Variants in LRRC4C observed in about 807,000 individuals in gnomAD.
The protein encoded by LRRC4C is leucine-rich repeat-containing protein 4C.
A neutral mutation model predicts 33.6 loss-of-function variants in LRRC4C; 5 were observed. The ratio of observed to expected loss-of-function variants is 0.15; its 90% CI spans 0.08 to 0.31. The LOEUF (loss-of-function observed/expected upper bound fraction) is 0.31, where lower values mean the gene tolerates loss of function less well. Ranked by LOEUF, LRRC4C falls within the 10% of genes least tolerant of loss-of-function variation. The probability of loss-of-function intolerance (pLI) is 1.00; values close to 1 mark genes in which losing one functional copy is unlikely to be tolerated. For synonymous variants in LRRC4C, 329 were observed against 302.0 expected, an observed-to-expected ratio of 1.09 and a Z score of -0.93; for missense variants, 560 against 796.7, an observed-to-expected ratio of 0.70 and a Z score of 3.58.
At chr11:41,431,273 C>T (rs1219837445) in intron 1 of LRRC4C, among the ~76,000 whole-genome samples, 4 of 151,896 alleles carry the variant, frequency 2.6e-5, no homozygotes, top group African/African-American at 9.7e-5. Flanking sequence ...TAAAATCTTG[C>T]AGTCACAATC....
intron 2 of LRRC4C, among the ~76,000 whole-genome samples, chr11:40,720,031 A>AGCC (rs1197077975): frequency 6.6e-6 from 1 of 152,200 alleles, no homozygotes; most frequent in Non-Finnish European, 1.5e-5. Context: ...CTCTAATTTC[A>AGCC]GCCGTGCCCT....
chr11:41,109,456 A>G (rs1057048631), intron 1 of LRRC4C, among the ~76,000 whole-genome samples: 1 of 152,126 alleles, frequency 6.6e-6, no homozygotes, highest in Non-Finnish European at 1.5e-5. Flanking sequence ...TAGAATCAGA[A>G]ACAAAGCCAG....
chr11:41,425,044 A>T (rs2138360857), intron 1 of LRRC4C, among the ~76,000 whole-genome samples: 1 of 152,238 alleles, frequency 6.6e-6, no homozygotes, highest in East Asian at 1.9e-4. Context: ...TCTAGATTTC[A>T]AAAAGGTTTC....
At chr11:40,773,412 TA>T (rs1834114908) in intron 2 of LRRC4C, among the ~76,000 whole-genome samples, 1 of 152,106 alleles carries the variant, frequency 6.6e-6, no homozygotes, top group Non-Finnish European at 1.5e-5. Flanking sequence ...AGATATTCCA[TA>T]TACACTGTTG....
intron 2 of LRRC4C, among the ~76,000 whole-genome samples, chr11:40,736,383 C>A (rs557647473): frequency 1.1e-3 from 161 of 152,058 alleles, no homozygotes; most frequent in African/African-American, 3.8e-3. Context: ...ATGGTGTGTA[C>A]GAGCCACATT....
chr11:41,434,933 G>T (rs182685496), intron 1 of LRRC4C, among the ~76,000 whole-genome samples: 1 of 152,258 alleles, frequency 6.6e-6, no homozygotes, highest in Non-Finnish European at 1.5e-5. Context: ...GTGAGGGAAA[G>T]GAGCAGTATC....
intron 4 of LRRC4C, among the ~76,000 whole-genome samples, chr11:40,260,965 T>G (rs1054888633): frequency 2.0e-5 from 3 of 152,138 alleles, no homozygotes; most frequent in Non-Finnish European, 2.9e-5. Flanking sequence ...ACTGTAACTT[T>G]GAACTTCTGG....
At chr11:40,695,802 G>A (rs7926792) in intron 2 of LRRC4C, among the ~76,000 whole-genome samples, 32,359 of 151,618 alleles carry the variant, frequency 0.21, 5,178 homozygotes, top group African/African-American at 0.45. Flanking sequence ...TTTTACTTAC[G>A]AGGAGACAAT....
intron 1 of LRRC4C, among the ~76,000 whole-genome samples, chr11:41,308,153 C>T (rs1950553002): frequency 6.6e-6 from 1 of 152,144 alleles, no homozygotes; most frequent in Admixed American, 6.5e-5. Context: ...CCATCTTGTC[C>T]CTCTTTCACC....
chr11:40,480,561 A>G (rs888906348), intron 3 of LRRC4C, among the ~76,000 whole-genome samples: 2 of 151,844 alleles, frequency 1.3e-5, no homozygotes, highest in Non-Finnish European at 2.9e-5. Context: ...TCTGGACACT[A>G]AACCCCTGCA....
At chr11:41,265,311 T>A (rs1949113977) in intron 1 of LRRC4C, among the ~76,000 whole-genome samples, 1 of 152,050 alleles carries the variant, frequency 6.6e-6, no homozygotes, top group Non-Finnish European at 1.5e-5. Flanking sequence ...AAAGGTACGT[T>A]AGAGTAAACC....
intron 1 of LRRC4C, among the ~76,000 whole-genome samples, chr11:41,030,657 T>C (rs553261648): frequency 5.3e-5 from 8 of 151,966 alleles, no homozygotes; most frequent in Admixed American, 5.3e-4. Flanking sequence ...TTTCAAATAG[T>C]AGACCTTGTT....
chr11:40,641,806 T>C (rs1942136386), intron 3 of LRRC4C, among the ~76,000 whole-genome samples: 2 of 152,174 alleles, frequency 1.3e-5, no homozygotes, highest in African/African-American at 4.8e-5. Context: ...GAGAGTTTGT[T>C]AGCTGTGACT....
chr11:40,486,501 C>T (rs966600722), intron 3 of LRRC4C, among the ~76,000 whole-genome samples: 1 of 152,008 alleles, frequency 6.6e-6, no homozygotes, highest in African/African-American at 2.4e-5. Context: ...GATTGGTTCT[C>T]TGGCTTTAAA....
intron 1 of LRRC4C, among the ~76,000 whole-genome samples, chr11:41,203,021 G>A (rs1946462067): frequency 6.6e-6 from 1 of 152,120 alleles, no homozygotes; most frequent in Non-Finnish European, 1.5e-5. Flanking sequence ...CCTGACCTCA[G>A]GTGATCCACC....
At chr11:40,976,872 C>T (rs978939082) in intron 1 of LRRC4C, among the ~76,000 whole-genome samples, 9 of 151,936 alleles carry the variant, frequency 5.9e-5, no homozygotes, top group African/African-American at 1.9e-4. Context: ...GCAGGGGGAT[C>T]GTTTGGGGAT....
intron 2 of LRRC4C, among the ~76,000 whole-genome samples, chr11:40,911,099 C>T (rs1956657723): frequency 6.6e-6 from 1 of 152,216 alleles, no homozygotes; most frequent in Non-Finnish European, 1.5e-5. Flanking sequence ...CTGCCTGCCT[C>T]TGTAGACTCC....
intron 3 of LRRC4C, among the ~76,000 whole-genome samples, chr11:40,476,480 G>C (rs1182306461): frequency 2.0e-5 from 3 of 151,174 alleles, no homozygotes; most frequent in African/African-American, 7.3e-5. Context: ...CAAGTAGCTG[G>C]GACTACGGGC....
chr11:40,976,780 T>C (rs1006058377), intron 1 of LRRC4C, among the ~76,000 whole-genome samples: 13 of 152,058 alleles, frequency 8.5e-5, no homozygotes, highest in African/African-American at 3.1e-4. Context: ...TCCTTCTAAA[T>C]ATATGTCCTA....
Sources: allele counts gnomAD v4.1 joint callset (sites outside exome capture counted in the v4.1 genomes callset), GRCh38; gene constraint gnomAD v4.1.1; transcripts MANE v1.5; gene names NCBI Gene and HGNC (gene_info 2026-07-23, HGNC 2026-07-21).